Variants in UNC13C observed in about 807,000 individuals in gnomAD.
UNC13C encodes the protein unc-13 homolog C.
A neutral mutation model predicts 245.4 loss-of-function variants in UNC13C; 174 were observed. That is an observed-to-expected ratio of 0.71 (90% confidence interval 0.63 to 0.80). The LOEUF (loss-of-function observed/expected upper bound fraction) is 0.80, where lower values mean the gene tolerates loss of function less well. Among genes scored for constraint, UNC13C ranks in the 30% least tolerant of loss-of-function variants. The pLI, the probability that UNC13C is intolerant of heterozygous loss-of-function variation, is 0.00. For synonymous variants in UNC13C, 992 were observed against 895.1 expected (o/e 1.11, Z -1.93); for missense variants, 2,829 against 2,602.9 (o/e 1.09, Z -1.89).
chr15:54,273,806 G>C (rs370633623), intron 10 of UNC13C, among the ~76,000 whole-genome samples: 56 of 152,216 alleles, frequency 3.7e-4, no homozygotes, highest in African/African-American at 1.3e-3. Flanking sequence ...CTTCTTGGAT[G>C]TACCCCTTGT....
At chr15:54,367,731 G>A (rs979723773) in intron 17 of UNC13C, among the ~76,000 whole-genome samples, 8 of 152,012 alleles carry the variant, frequency 5.3e-5, no homozygotes, top group African/African-American at 1.9e-4. Context: ...GTTAAATCTT[G>A]GATTGTAGAC....
the UNC13C span, among the ~76,000 whole-genome samples, chr15:53,897,937 T>A: frequency 6.6e-6 from 1 of 152,206 alleles, no homozygotes; most frequent in East Asian, 1.9e-4. Flanking sequence ...TTTGAAAAAC[T>A]CTTGGTCTTG....
chr15:54,002,056 G>A (rs1156489435), intron 1 of UNC13C, among the ~76,000 whole-genome samples: 1 of 152,246 alleles, frequency 6.6e-6, no homozygotes, highest in Non-Finnish European at 1.5e-5. Flanking sequence ...GGAGGCCGAG[G>A]CGGGTGGATC....
At chr15:53,876,258 A>G in the UNC13C span, among the ~76,000 whole-genome samples, 2 of 152,172 alleles carry the variant, frequency 1.3e-5, no homozygotes, top group East Asian at 3.8e-4. Flanking sequence ...TGGTTTTCTA[A>G]TTCAATGGAA....
chr15:54,082,199 G>A (rs542810428), intron 2 of UNC13C, among the ~76,000 whole-genome samples: 1 of 152,154 alleles, frequency 6.6e-6, no homozygotes, highest in African/African-American at 2.4e-5. Flanking sequence ...ATGCCTTCAA[G>A]TTGTTTTCAT....
intron 4 of UNC13C, among the ~76,000 whole-genome samples, chr15:54,206,832 G>A (rs1259642802): frequency 1.3e-5 from 2 of 152,040 alleles, no homozygotes; most frequent in South Asian, 4.1e-4. Flanking sequence ...GAAACTGTAC[G>A]TCAACAGCTC....
At chr15:54,229,923 A>C (rs566258752) in intron 4 of UNC13C, among the ~76,000 whole-genome samples, 2 of 152,000 alleles carry the variant, frequency 1.3e-5, no homozygotes. Context: ...AATGTCCTTC[A>C]GGTTCATCCA....
the UNC13C span, among the ~76,000 whole-genome samples, chr15:53,844,170 G>A: frequency 6.6e-6 from 1 of 152,170 alleles, no homozygotes. Flanking sequence ...GAAGGAAAAA[G>A]TGTGTGTCAC....
At chr15:54,036,041 C>G (rs1896566820) in intron 2 of UNC13C, among the ~76,000 whole-genome samples, 1 of 152,110 alleles carries the variant, frequency 6.6e-6, no homozygotes, top group Non-Finnish European at 1.5e-5. Flanking sequence ...GACTGCAAGC[C>G]AAGTTGAGAG....
intron 4 of UNC13C, among the ~76,000 whole-genome samples, chr15:54,227,763 G>A (rs746238703): frequency 2.0e-5 from 3 of 152,208 alleles, no homozygotes; most frequent in Non-Finnish European, 4.4e-5. Flanking sequence ...GAGTACAGCT[G>A]TGTCCAGACT....
chr15:53,865,903 C>T, the UNC13C span, among the ~76,000 whole-genome samples: 1 of 151,646 alleles, frequency 6.6e-6, no homozygotes, highest in African/African-American at 2.4e-5. Context: ...CATATCAAGC[C>T]AAAAGAAAAG....
intron 17 of UNC13C, among the ~76,000 whole-genome samples, chr15:54,362,884 A>T (rs1171987183): frequency 6.6e-6 from 1 of 152,222 alleles, no homozygotes; most frequent in African/African-American, 2.4e-5. Flanking sequence ...GGCTTCTAGG[A>T]TGAGAAGAAG....
chr15:54,272,782 C>T (rs1034841255), intron 10 of UNC13C, among the ~76,000 whole-genome samples: 1 of 152,146 alleles, frequency 6.6e-6, no homozygotes, highest in African/African-American at 2.4e-5. Flanking sequence ...ATCACTGCTT[C>T]TCACTAGAAT....
chr15:54,557,815 T>G (rs548473234), intron 29 of UNC13C, among the ~76,000 whole-genome samples: 25 of 152,196 alleles, frequency 1.6e-4, no homozygotes, highest in African/African-American at 6.0e-4. Context: ...AAATTTCTCT[T>G]ATGTACGTGC....
intron 30 of UNC13C, among the ~76,000 whole-genome samples, chr15:54,600,587 C>T (rs1899356332): frequency 6.6e-6 from 1 of 152,078 alleles, no homozygotes; most frequent in Non-Finnish European, 1.5e-5. Context: ...TGTGAATACA[C>T]ATTATAATTC....
chr15:54,253,155 A>G (rs769790498), intron 8 of UNC13C, among the ~76,000 whole-genome samples: 23 of 152,212 alleles, frequency 1.5e-4, no homozygotes, highest in Non-Finnish European at 3.1e-4. Flanking sequence ...GGCCCATGCA[A>G]AAGAGAGAGT....
At chr15:54,443,577 A>G (rs1249538143) in intron 19 of UNC13C, among the ~76,000 whole-genome samples, 1 of 152,062 alleles carries the variant, frequency 6.6e-6, no homozygotes, top group Non-Finnish European at 1.5e-5. Flanking sequence ...CTTTGACTTT[A>G]TCACATATAT....
intron 29 of UNC13C, among the ~76,000 whole-genome samples, chr15:54,558,725 T>C (rs1234900379): frequency 6.6e-6 from 1 of 151,944 alleles, no homozygotes; most frequent in Non-Finnish European, 1.5e-5. Flanking sequence ...GGTAGGATGG[T>C]TGGGCTTTGA....
intron 4 of UNC13C, among the ~76,000 whole-genome samples, chr15:54,187,283 C>G (rs1297362571): frequency 6.6e-6 from 1 of 152,134 alleles, no homozygotes; most frequent in African/African-American, 2.4e-5. Context: ...ATTGGCATTT[C>G]TACATCCATT....
Sources: gnomAD v4.1 joint callset for allele counts (sites outside exome capture counted in the v4.1 genomes callset) on GRCh38, gnomAD v4.1.1 for gene constraint, MANE v1.5 for transcripts, NCBI Gene and HGNC (gene_info 2026-07-23, HGNC 2026-07-21) for gene names.